RFWD3: variants seen among roughly 807,000 people sequenced by gnomAD.
RFWD3 encodes ring finger and WD repeat domain 3, also known as E3 ubiquitin-protein ligase RFWD3.
A neutral mutation model predicts 87.7 loss-of-function variants in RFWD3; 65 were observed. The ratio of observed to expected loss-of-function variants is 0.74; its 90% CI spans 0.61 to 0.91. The LOEUF is 0.91. RFWD3 is among the 40% of genes least tolerant of loss of function. The pLI is 0.00. For synonymous variants in RFWD3, 433 were observed against 352.8 expected (o/e 1.23, Z -2.55); for missense variants, 1,078 against 938.5 (o/e 1.15, Z -1.94).
At position 74,661,412 on chromosome 16, in the gene RFWD3, T is replaced by A; in HGVS notation, c.38A>T (p.Gln13Leu). Residue 13 changes from glutamine to leucine, a missense_variant, in exon 2 of 13, where the codon CAG (glutamine) becomes CTG (leucine). Physicochemically the swap from Gln to Leu is moderately radical, Grantham distance 113. Transcript: ENST00000361070. The stretch of plus-strand genomic sequence containing the variant: ...TGGCTGTTGTTCGGCATGATTTAAC[T>A]GCACCTGAACATCATATTCCATTGC... ...HEAMEYDVQV[Q>L]LNHAEQQPAP... The A allele has an allele frequency of 3.1e-6, 5 of 1,613,844 alleles. No individual in the cohort carries two copies. The highest frequency in any genetic ancestry group is 4.2e-6 in the Non-Finnish European group (5 of 1,179,930).
chr16:74,628,288 G>A (rs929530736), intron 11 of RFWD3, among the ~76,000 whole-genome samples, 164 bp downstream of exon 11: 2 of 152,128 alleles, frequency 1.3e-5, no homozygotes, highest in Non-Finnish European at 2.9e-5. Context: ...GCTCTGTGGG[G>A]GAGCTTGGAG....
At position 74,628,436 on chromosome 16, in the gene RFWD3, C is replaced by T. The variant is rs1958998135; in HGVS notation, c.1969+16G>A. On this transcript the variant is annotated intron_variant, in intron 11 of 12. Coordinates refer to ENST00000361070, the MANE Select transcript of RFWD3 (RefSeq NM_018124.4). ...GTGCTCCCAAATAAGCTATGGGAGA[C>T]CCCAGCACTACTTACCAGGCCTGTA... 6.2e-7 allele frequency: 1 copy of T among 1,612,270 alleles called. No homozygotes were observed. Among genetic ancestry groups the T allele is most frequent in the Non-Finnish European group, 8.5e-7 (1 of 1,178,592 alleles).
At chr16:74,640,668 A>G (rs1417153672) in intron 6 of RFWD3, among the ~76,000 whole-genome samples, 1 of 150,732 alleles carries the variant, frequency 6.6e-6, no homozygotes, top group South Asian at 2.2e-4. Context: ...GGCCAGGCGC[A>G]GTGGCTCATG....
chr16:74,645,789 G>A (rs984142825), intron 4 of RFWD3, among the ~76,000 whole-genome samples: 22 of 112,726 alleles, frequency 2.0e-4, no homozygotes, highest in Admixed American at 7.0e-4. Flanking sequence ...CTCTCGCTCT[G>A]TCGCCCAGGC....
chr16:74,632,409 CA>C, intron 9 of RFWD3, 113 bp downstream of exon 9: 1 of 1,289,462 alleles, frequency 7.8e-7, no homozygotes, highest in Non-Finnish European at 1.1e-6. Flanking sequence ...CAAAACAAAA[CA>C]AAACAACAAC....
chr16:74,637,122 T>TTAA (rs1555525966), intron 7 of RFWD3, among the ~76,000 whole-genome samples: 4 of 101,798 alleles, frequency 3.9e-5, no homozygotes, highest in Admixed American at 1.1e-4. Context: ...TAAAGTCCTT[T>TTAA]AAAAAAAAAA....
chr16:74,658,724 C>T lies in RFWD3; in HGVS notation c.518+2208G>A, dbSNP rs74935278. Among the ~76,000 whole-genome samples the T allele has an allele frequency of 1.1e-3, 162 of 151,878 alleles. 1 individual carries two copies. In the East Asian group the frequency reaches 0.024, roughly 23 times the overall value. On this transcript the variant is annotated intron_variant, in intron 2 of 12. Transcript: ENST00000361070. ...AAATAGCTTGACTGACATCTTTCAA[C>T]ATTTAAATTCTGTATAACTCATTCC...
chr16:74,634,348 TATG>T (rs1266388871), intron 8 of RFWD3, among the ~76,000 whole-genome samples: 1 of 150,850 alleles, frequency 6.6e-6, no homozygotes, highest in African/African-American at 2.4e-5. Context: ...CTTACTAGGC[TATG>T]ATAACATTTA....
At chr16:74,628,720 A>G (rs1959008702) in intron 10 of RFWD3, 54 bp from the exon 11 acceptor site, 2 of 1,522,864 alleles carry the variant, frequency 1.3e-6, no homozygotes, top group South Asian at 2.2e-5. Context: ...GGACGGCTCC[A>G]GACCCCACTA....
At position 74,630,854 on chromosome 16, in the gene RFWD3, T is replaced by G; in HGVS notation, c.1681A>C (p.Asn561His). ...ACGTCATATACCAGAATTGAACCATTGGCCAGTCCAGCATAGATGTAGTTA... is the reference window on the plus strand; with the variant it reads ...ACGTCATATACCAGAATTGAACCATGGGCCAGTCCAGCATAGATGTAGTTA... The part of the protein sequence containing the change: ...EANYIYAGLA[N>H]GSILVYDVRN... Residue 561 changes from asparagine (N) to histidine (H), a missense_variant, in exon 10 of 13, where the codon AAT becomes CAT. Coordinates refer to ENST00000361070, the MANE Select transcript of RFWD3 (RefSeq NM_018124.4). 6.2e-7 allele frequency: 1 copy of G among 1,613,996 alleles called. No individual in the cohort carries two copies. The highest frequency in any genetic ancestry group is 2.2e-5 in the East Asian group (1 of 44,848).
Position 74,626,390 on chromosome 16 carries a change from C to T in RFWD3, c.2134G>A (p.Gly712Ser). 6.2e-7 allele frequency: 1 copy of T among 1,614,158 alleles called. No individual in the cohort carries two copies. Among genetic ancestry groups the T allele is most frequent in the Non-Finnish European group, 8.5e-7 (1 of 1,180,022 alleles). Residue 712 changes from glycine (G) to serine (S), a missense_variant, in exon 12 of 13, where the codon GGC (glycine) becomes AGC (serine). Coordinates refer to ENST00000361070, the MANE Select transcript of RFWD3 (RefSeq NM_018124.4). ...NAIFQSPEND[G>S]NILVCTGDEA... The stretch of plus-strand genomic sequence containing the variant: ...TCCCCAGTACACACCAGGATGTTGC[C>T]ATCATTCTCTGGGCTTTGGAAAATG...
chr16:74,635,175 G>C (rs1959183857), intron 8 of RFWD3, among the ~76,000 whole-genome samples: 3 of 152,032 alleles, frequency 2.0e-5, no homozygotes, highest in Admixed American at 2.0e-4. Flanking sequence ...AGCTACTCAG[G>C]AGGCTGAGGC....
intron 2 of RFWD3, among the ~76,000 whole-genome samples, chr16:74,657,637 G>A (rs1961102253): frequency 1.3e-5 from 2 of 151,906 alleles, no homozygotes; most frequent in Admixed American, 6.6e-5. Flanking sequence ...CACCACACCC[G>A]ACTAATTTTT....
chr16:74,656,721 G>C (rs1010606660), intron 2 of RFWD3, among the ~76,000 whole-genome samples: 1 of 152,182 alleles, frequency 6.6e-6, no homozygotes, highest in African/African-American at 2.4e-5. Flanking sequence ...GCCCCCCAAA[G>C]TGCTGGGATT....
At chr16:74,644,784 T>A in intron 4 of RFWD3, 49 bp from the exon 5 acceptor site, 2 of 1,547,398 alleles carry the variant, frequency 1.3e-6, no homozygotes, top group Non-Finnish European at 1.8e-6. Flanking sequence ...GTAAAATCAA[T>A]CTTGAAGAAG....
chr16:74,644,630 G>T lies in RFWD3; in HGVS notation c.898C>A (p.His300Asn). Reference protein sequence around the residue: ...CLEQWTNAGDHRLSALRCGHL... With the variant: ...CLEQWTNAGDNRLSALRCGHL... ...CCACAGCGTAATGCTGAGAGCCGGT[G>T]GTCCCCAGCATTGGTCCACTGTTCC... is the stretch of plus-strand genomic sequence containing the variant. Residue 300 changes from histidine to asparagine, a missense_variant, in exon 5 of 13, where the codon CAC (histidine) becomes AAC (asparagine). Transcript: ENST00000361070. The T allele has an allele frequency of 1.2e-6, 2 of 1,614,168 alleles. No individual in the cohort carries two copies. Among genetic ancestry groups the T allele is most frequent in the Non-Finnish European group, 1.7e-6 (2 of 1,180,044 alleles).
At chr16:74,625,346 C>T (rs1029045268) in intron 12 of RFWD3, among the ~76,000 whole-genome samples, 2 of 151,928 alleles carry the variant, frequency 1.3e-5, no homozygotes, top group African/African-American at 4.8e-5. Flanking sequence ...CATGGCAAAA[C>T]CCTGTCTCTA....
chr16:74,632,769 G>T, intron 8 of RFWD3, 96 bp from the exon 9 acceptor site: 1 of 1,123,754 alleles, frequency 8.9e-7, no homozygotes. Context: ...CACCTTTCTT[G>T]GCGTATAAGT....
intron 1 of RFWD3, among the ~76,000 whole-genome samples, chr16:74,665,731 G>C (rs1166545446): frequency 2.6e-5 from 4 of 151,388 alleles, no homozygotes; most frequent in Non-Finnish European, 5.9e-5. Context: ...GTGCAACAGG[G>C]AGACTTTTCT....
Sources: allele counts gnomAD v4.1 joint callset (sites outside exome capture counted in the v4.1 genomes callset), GRCh38; gene constraint gnomAD v4.1.1; transcripts MANE v1.5; gene names NCBI Gene and HGNC (gene_info 2026-07-23, HGNC 2026-07-21).